Variants in ZNF280D observed in about 807,000 individuals in gnomAD.
The protein encoded by ZNF280D is zinc finger protein 280D.
ZNF280D carries 39 observed loss-of-function variants against 94.7 expected under a neutral mutation model. The ratio of observed to expected loss-of-function variants is 0.41; its 90% CI spans 0.32 to 0.54. ZNF280D has a LOEUF of 0.54. Among genes scored for constraint, ZNF280D ranks in the 20% least tolerant of loss-of-function variants. The pLI, the probability that ZNF280D is intolerant of heterozygous loss-of-function variation, is 0.22. For missense variants in ZNF280D, 1,090 were observed against 1,149.3 expected (o/e 0.95, Z 0.75); for synonymous variants, 398 against 377.6 (o/e 1.05, Z -0.63).
intron 16 of ZNF280D, among the ~76,000 whole-genome samples, chr15:56,659,836 G>C (rs1380788360): frequency 2.0e-5 from 3 of 151,396 alleles, no homozygotes; most frequent in African/African-American, 7.3e-5. Flanking sequence ...AACACACCTG[G>C]GTCAATGCTT....
intron 7 of ZNF280D, among the ~76,000 whole-genome samples, chr15:56,691,568 G>A (rs2056423201): frequency 6.6e-6 from 1 of 152,074 alleles, no homozygotes. Flanking sequence ...TGCTGTGTTT[G>A]GCTTGTGTTG....
intron 19 of ZNF280D, chr15:56,653,775 A>G: frequency 4.0e-6 from 5 of 1,264,216 alleles, no homozygotes; most frequent in African/African-American, 1.5e-5. Context: ...GAAAAACAAA[A>G]ATTATTGTAA....
At chr15:56,694,329 ACACACACAC>A (rs1489436549) in intron 6 of ZNF280D, among the ~76,000 whole-genome samples, 2 of 140,566 alleles carry the variant, frequency 1.4e-5, no homozygotes, top group East Asian at 2.1e-4. Context: ...ACACACACAC[ACACACACAC>A]AAGTATACTC....
rs2052705231 is a variant in ZNF280D at position 56,642,999 on chromosome 15, T to C, written c.2214-2A>G. On this transcript the variant is annotated splice_acceptor_variant, in intron 19 of 21. Transcript: ENST00000267807. LOFTEE classifies it high-confidence loss of function. ...TTTGCGGGAGCTTCTTTTTTTAATC[T>C]TGAAAACAAGATAAGTATTGAATAT... 1.3e-6 allele frequency: 2 copies of C among 1,497,632 alleles called. No individual in the cohort carries two copies. Among genetic ancestry groups the C allele is most frequent in the Non-Finnish European group, 1.8e-6 (2 of 1,125,546 alleles). 92.8% of individuals were successfully genotyped at this position (1,497,632 alleles called of 1,614,324 possible). A position where few individuals can be genotyped will look rare whatever the true frequency, so the allele number is the denominator to read the frequency against.
chr15:56,653,718 C>G (rs1404473863), intron 19 of ZNF280D: 2 of 1,320,944 alleles, frequency 1.5e-6, no homozygotes, highest in African/African-American at 3.0e-5. Context: ...AAAAGACAAA[C>G]AGCCATATAA....
At chr15:56,644,667 A>G (rs937544366) in intron 19 of ZNF280D, among the ~76,000 whole-genome samples, 26 of 152,158 alleles carry the variant, frequency 1.7e-4, no homozygotes, top group Admixed American at 6.5e-4. Flanking sequence ...TAATCATTTT[A>G]GCATATGCCT....
At position 56,689,148 on chromosome 15, in the gene ZNF280D, T is replaced by C; in HGVS notation, c.673A>G (p.Thr225Ala). The change falls in exon 9 of 22, where the codon ACA becomes GCA. Residue 225 changes from threonine to alanine, a missense_variant and splice_region_variant. By Grantham distance (58) the Thr-to-Ala change is moderately conservative (BLOSUM62 0). Coordinates refer to ENST00000267807, the MANE Select transcript of ZNF280D (RefSeq NM_017661.4). Reference protein sequence around the residue: ...TSSQAMLAKGTNTSSNQSKNG... With the variant: ...TSSQAMLAKGANTSSNQSKNG... ...TTAGACTGATTTGATGAGGTATTTGTACCTAAAATAAATTCAGAACATTTA... is the reference window on the plus strand; with the variant it reads ...TTAGACTGATTTGATGAGGTATTTGCACCTAAAATAAATTCAGAACATTTA... 1.2e-6 allele frequency: 2 copies of C among 1,603,394 alleles called. No individual in the cohort carries two copies. The highest frequency in any genetic ancestry group is 1.7e-6 in the Non-Finnish European group (2 of 1,175,596).
At chr15:56,679,093 G>A (rs1252058533) in intron 10 of ZNF280D, among the ~76,000 whole-genome samples, 4 of 152,006 alleles carry the variant, frequency 2.6e-5, no homozygotes, top group South Asian at 4.2e-4. Flanking sequence ...CATTATTTCA[G>A]ATTATTTAAA....
At chr15:56,676,199 T>C (rs2055219800) in intron 13 of ZNF280D, among the ~76,000 whole-genome samples, 1 of 152,130 alleles carries the variant, frequency 6.6e-6, no homozygotes, top group African/African-American at 2.4e-5. Context: ...TCCAGGTCAA[T>C]GACAACATGT....
chr15:56,722,292 A>G (rs1292189001), intron 1 of ZNF280D, among the ~76,000 whole-genome samples: 7 of 152,240 alleles, frequency 4.6e-5, no homozygotes, highest in African/African-American at 1.7e-4. Flanking sequence ...AATGTGACAG[A>G]GACAAGAAGT....
chr15:56,720,964 T>G (rs1311516708), intron 1 of ZNF280D, among the ~76,000 whole-genome samples: 1 of 30,378 alleles, frequency 3.3e-5, no homozygotes, highest in Non-Finnish European at 1.2e-4. Context: ...GATTTAGCAT[T>G]TTTTTTGGGG....
chr15:56,709,501 A>G (rs1484223816), intron 1 of ZNF280D, among the ~76,000 whole-genome samples: 1 of 152,214 alleles, frequency 6.6e-6, no homozygotes, highest in Non-Finnish European at 1.5e-5. Context: ...CAGCCCTTCC[A>G]CTACTGGGTA....
intron 17 of ZNF280D, 166 bp from the exon 18 acceptor site, chr15:56,654,669 C>T: frequency 3.0e-6 from 2 of 661,546 alleles, no homozygotes; most frequent in Admixed American, 4.4e-5. Flanking sequence ...TGGTAAATGA[C>T]ATAGCCATGT....
At chr15:56,632,161 AG>A (rs777230416) in intron 21 of ZNF280D, 39 bp from the exon 22 acceptor site, 1 of 1,471,352 alleles carries the variant, frequency 6.8e-7, no homozygotes, top group East Asian at 2.3e-5. Flanking sequence ...TTCTTCATAA[AG>A]CAATGTTTTT....
chr15:56,701,154 T>C lies in ZNF280D; in HGVS notation c.241+19A>G. The C allele has an allele frequency of 3.8e-6, 6 of 1,598,042 alleles. No individual in the cohort carries two copies. The highest frequency in any genetic ancestry group is 5.1e-6 in the Non-Finnish European group (6 of 1,171,094). The stretch of plus-strand genomic sequence containing the variant: ...AAAATACTTCACTTTAAAATTAAAA[T>C]AGTATAATAATACTGTACCTCGACT... On this transcript the variant is annotated intron_variant, in intron 5 of 21. Coordinates refer to ENST00000267807, the MANE Select transcript of ZNF280D (RefSeq NM_017661.4).
chr15:56,634,182 G>C (rs1490180991), intron 21 of ZNF280D: 1 of 152,106 alleles, frequency 6.6e-6, no homozygotes, highest in African/African-American at 2.4e-5. Context: ...GTTAGTGGTA[G>C]AAAGATTCTG....
chr15:56,684,654 A>G (rs539858140), intron 9 of ZNF280D, among the ~76,000 whole-genome samples: 1 of 152,214 alleles, frequency 6.6e-6, no homozygotes, highest in East Asian at 1.9e-4. Flanking sequence ...CAAATTAGGA[A>G]GGAATACAGT....
chr15:56,647,309 G>A (rs1171938235), intron 19 of ZNF280D, among the ~76,000 whole-genome samples: 1 of 152,092 alleles, frequency 6.6e-6, no homozygotes, highest in Non-Finnish European at 1.5e-5. Flanking sequence ...AGGTAAATGT[G>A]GAGAACAAAT....
intron 1 of ZNF280D, among the ~76,000 whole-genome samples, chr15:56,731,225 C>T (rs1408201539): frequency 6.6e-6 from 1 of 151,980 alleles, no homozygotes; most frequent in Non-Finnish European, 1.5e-5. Context: ...CAATTTCGCC[C>T]AGTGCTGTGG....
Sources: gnomAD v4.1 joint callset for allele counts (sites outside exome capture counted in the v4.1 genomes callset) on GRCh38, gnomAD v4.1.1 for gene constraint, MANE v1.5 for transcripts, NCBI Gene and HGNC (gene_info 2026-07-23, HGNC 2026-07-21) for gene names.